The following SLAIN2 variants were observed in gnomAD, a reference collection of about 807,000 sequenced individuals.
SLAIN2 encodes SLAIN family member 2, also known as SLAIN motif-containing protein 2.
SLAIN2 carries 31 observed loss-of-function variants against 56.6 expected under a neutral mutation model. That is an observed-to-expected ratio of 0.55 (90% CI 0.41 to 0.74). The LOEUF is 0.74. Ranked by LOEUF, SLAIN2 falls within the 30% of genes least tolerant of loss-of-function variation. SLAIN2 has a pLI of 0.00. For missense variants in SLAIN2, 777 were observed against 754.2 expected (o/e 1.03, Z -0.35); for synonymous variants, 317 against 284.9 (o/e 1.11, Z -1.13).
rs780729762 is a variant in SLAIN2, at chr4:48,379,833, C to T, written c.847C>T (p.Arg283Trp). 9.0e-6 allele frequency: 14 copies of T among 1,548,042 alleles called. No individual in the cohort carries two copies. Among genetic ancestry groups the T allele is most frequent in the South Asian group, 5.0e-5 (4 of 80,194 alleles). The change falls in exon 4 of 8, where the codon CGG (arginine) becomes TGG (tryptophan). Residue 283 changes from arginine (R) to tryptophan (W), a missense_variant. Physicochemically the swap from Arg to Trp is moderately radical, Grantham distance 101 (BLOSUM62 -3). Coordinates refer to ENST00000264313, the MANE Select transcript of SLAIN2 (RefSeq NM_020846.2). ...NDVTDVQILARMQEESLRQEY... is the reference protein window; with the variant it reads ...NDVTDVQILAWMQEESLRQEY... ...TGTAACTGATGTACAGATTCTAGCC[C>T]GGATGCAGGAAGAAAGTAAGTATTC...
intron 4 of SLAIN2, among the ~76,000 whole-genome samples, chr4:48,380,990 A>G (rs1329224304): frequency 6.6e-6 from 1 of 152,182 alleles, no homozygotes; most frequent in East Asian, 1.9e-4. Context: ...TAGCCCTGCA[A>G]CCTAATAGCA....
chr4:48,419,989 C>T, intron 6 of SLAIN2, 136 bp from the exon 7 acceptor site: 2 of 838,106 alleles, frequency 2.4e-6, no homozygotes, highest in Admixed American at 2.9e-5. Flanking sequence ...CCAGGAATAG[C>T]TTTTATTGTT....
At position 48,381,654 on chromosome 4, in the gene SLAIN2, C is replaced by CGT. The variant is rs543665800; in HGVS notation, c.863-914_863-913insGT. On this transcript the variant is annotated intron_variant, in intron 4 of 7. Transcript: ENST00000264313. ...CCAGGAATTTATAGTTTTAAAGATA[C>CGT]CCTAGGGTGATTCTCATCCACTGGT... 2.3e-4 allele frequency among the ~76,000 whole-genome samples: 35 copies of CGT among 152,256 alleles called. 1 individual carries two copies. In the East Asian group the frequency reaches 6.4e-3, roughly 28 times the overall value.
At chr4:48,379,481 T>C (rs756101153) in intron 3 of SLAIN2, among the ~76,000 whole-genome samples, 8 of 152,044 alleles carry the variant, frequency 5.3e-5, no homozygotes, top group Non-Finnish European at 1.2e-4. Flanking sequence ...TAGATGAAAA[T>C]ATGTTTATGC....
chr4:48,355,777 A>G (rs1715141241), intron 1 of SLAIN2, among the ~76,000 whole-genome samples: 1 of 151,956 alleles, frequency 6.6e-6, no homozygotes, highest in African/African-American at 2.4e-5. Flanking sequence ...AAATATATAA[A>G]TGTAGATTAT....
intron 1 of SLAIN2, among the ~76,000 whole-genome samples, chr4:48,357,236 C>A (rs1191716503): frequency 1.3e-5 from 2 of 151,962 alleles, no homozygotes; most frequent in Non-Finnish European, 2.9e-5. Context: ...TATATTTGAA[C>A]TGAATATGTT....
intron 1 of SLAIN2, among the ~76,000 whole-genome samples, chr4:48,355,713 C>T (rs1024732334): frequency 6.6e-6 from 1 of 152,028 alleles, no homozygotes. Flanking sequence ...CTTTCTTTAG[C>T]ACTTCAATGT....
intron 1 of SLAIN2, among the ~76,000 whole-genome samples, chr4:48,348,533 C>G (rs1417402852): frequency 6.6e-6 from 1 of 151,920 alleles, no homozygotes; most frequent in East Asian, 1.9e-4. Flanking sequence ...GCTAAAAATA[C>G]AAAAATATTA....
chr4:48,349,884 A>G (rs1463133520), intron 1 of SLAIN2, among the ~76,000 whole-genome samples: 2 of 152,164 alleles, frequency 1.3e-5, no homozygotes, highest in East Asian at 1.9e-4. Context: ...CACATTTTTG[A>G]TAGAATTGGA....
intron 4 of SLAIN2, among the ~76,000 whole-genome samples, chr4:48,381,863 CT>C (rs1295107499): frequency 6.6e-6 from 1 of 152,026 alleles, no homozygotes; most frequent in African/African-American, 2.4e-5. Context: ...TACGTATCAA[CT>C]TTTTTTTCTG....
intron 1 of SLAIN2, among the ~76,000 whole-genome samples, chr4:48,363,649 C>A (rs1264724436): frequency 1.1e-5 from 1 of 88,474 alleles, no homozygotes; most frequent in Non-Finnish European, 2.4e-5. Flanking sequence ...CCGGACGGGG[C>A]GGCTGGCCGG....
intron 6 of SLAIN2, among the ~76,000 whole-genome samples, chr4:48,397,362 T>G (rs111772195): frequency 6.6e-6 from 1 of 152,084 alleles, no homozygotes; most frequent in Non-Finnish European, 1.5e-5. Context: ...AAGAGGCAAC[T>G]AAGAAGGAAA....
intron 6 of SLAIN2, among the ~76,000 whole-genome samples, chr4:48,387,747 CAA>C (rs1228916936): frequency 1.3e-5 from 2 of 150,892 alleles, no homozygotes; most frequent in Non-Finnish European, 3.0e-5. Context: ...TAACATGAAG[CAA>C]AAAAAGTGTT....
intron 6 of SLAIN2, among the ~76,000 whole-genome samples, chr4:48,419,406 C>CT (rs1279534956): frequency 1.3e-5 from 2 of 152,056 alleles, no homozygotes; most frequent in Non-Finnish European, 2.9e-5. Context: ...GCCTGATCTT[C>CT]TTTTTTCTTT....
At chr4:48,390,717 TA>T (rs1261998674) in intron 6 of SLAIN2, among the ~76,000 whole-genome samples, 2 of 152,202 alleles carry the variant, frequency 1.3e-5, no homozygotes, top group African/African-American at 4.8e-5. Context: ...AAAATGTTTT[TA>T]TATATTGATC....
chr4:48,361,415 T>C (rs1577713139), intron 1 of SLAIN2, among the ~76,000 whole-genome samples: 2 of 151,562 alleles, frequency 1.3e-5, no homozygotes, highest in East Asian at 1.9e-4. Flanking sequence ...AAAGAAGAAC[T>C]ACAACAGTTA....
rs556628744 is a variant in SLAIN2 at position 48,425,779 on chromosome 4, T to G, written c.*3702T>G. 5 of 152,310 alleles carry G rather than the reference T, an allele frequency of 3.3e-5. No homozygotes were observed. The South Asian group carries it at 1.0e-3, about 32-fold the overall frequency. 9.4% of individuals were successfully genotyped at this position (152,310 alleles called of 1,614,324 possible). The stretch of plus-strand genomic sequence containing the variant: ...TGGAGGTTCAACCACTGATGTATTT[T>G]GAATGATCCTAAATATAAGTCTTGG... On this transcript the variant is annotated 3_prime_UTR_variant, in exon 8 of 8. Transcript: ENST00000264313.
chr4:48,399,645 G>A (rs1367002220), intron 6 of SLAIN2, among the ~76,000 whole-genome samples: 3 of 152,008 alleles, frequency 2.0e-5, no homozygotes, highest in Admixed American at 6.6e-5. Flanking sequence ...TGGGTTTGTC[G>A]TATGTGTCTC....
chr4:48,370,209 C>G (rs1312323310), intron 2 of SLAIN2, among the ~76,000 whole-genome samples: 1 of 152,008 alleles, frequency 6.6e-6, no homozygotes, highest in African/African-American at 2.4e-5. Context: ...TTTATTTAGC[C>G]TCATCCTAAA....
Sources: allele counts gnomAD v4.1 joint callset (sites outside exome capture counted in the v4.1 genomes callset), GRCh38; gene constraint gnomAD v4.1.1; transcripts MANE v1.5; gene names NCBI Gene and HGNC (gene_info 2026-07-23, HGNC 2026-07-21).